The following WDR81 variants were observed in gnomAD, a reference collection of about 807,000 sequenced individuals.
WDR81 encodes WD repeat domain 81.
In WDR81, 92 loss-of-function variants were observed where a neutral mutation model predicts 140.8. The ratio of observed to expected loss-of-function variants is 0.65; its 90% CI spans 0.55 to 0.78. The LOEUF is 0.78. Among genes scored for constraint, WDR81 ranks in the 30% least tolerant of loss-of-function variants. The pLI is 0.00. For missense variants in WDR81, 2,502 were observed against 2,636.4 expected (o/e 0.95, Z 1.12); for synonymous variants, 1,183 against 1,156.4 (o/e 1.02, Z -0.47).
At position 1,724,942 on chromosome 17, in the gene WDR81, C is replaced by T. The variant is rs1272074939; in HGVS notation, c.-18C>T. 1 of 1,391,556 alleles carries T rather than the reference C, an allele frequency of 7.2e-7. No homozygotes were observed. Among genetic ancestry groups the T allele is most frequent in the Non-Finnish European group, 9.3e-7 (1 of 1,078,040 alleles). 86.2% of individuals were successfully genotyped at this position (1,391,556 alleles called of 1,614,324 possible). The stretch of plus-strand genomic sequence containing the variant: ...GGCTGGGCTCAGCCCCGCGCTGCCC[C>T]CGGGCGGCCTGGAGGAGATGGCCCA... On this transcript the variant is annotated 5_prime_UTR_variant, in exon 1 of 10. Coordinates refer to ENST00000409644, the MANE Select transcript of WDR81 (RefSeq NM_001163809.2).
intron 1 of WDR81, 93 bp downstream of exon 1, chr17:1,728,719 C>T: frequency 7.3e-7 from 1 of 1,365,204 alleles, no homozygotes; most frequent in East Asian, 2.6e-5. Context: ...CTTTGGGAGG[C>T]TGAGGCGGGC....
rs531930452 is a variant in WDR81 at position 1,730,886 on chromosome 17, G to A, written c.3907G>A (p.Ala1303Thr). The change falls in exon 3 of 10, where the codon GCC becomes ACC. Residue 1303 changes from alanine to threonine, a missense_variant. This residue lies in a region of WDR81 where 1,737 missense variants were observed against 1,843.0 expected (regional missense o/e 0.94). Transcript: ENST00000409644. ...GPVLSCLLHIARLYGEPVLTY... is the reference protein window; with the variant it reads ...GPVLSCLLHITRLYGEPVLTY... ...TGTGCTCAGCTGCCTCCTCCACATC[G>A]CCCGCCTGTATGGGGAGCCTGTCCT... The A allele has an allele frequency of 7.4e-6, 12 of 1,613,000 alleles. No individual in the cohort carries two copies. The highest frequency in any genetic ancestry group is 4.4e-5 in the South Asian group (4 of 91,090).
rs1360252783 is a variant in WDR81 at position 1,732,440 on chromosome 17, G to A, written c.4273G>A (p.Val1425Met). ...GGTCCAGCAGCACCTGAGCGAGCCCGTGGCCACCTTTTTCCAGGTCTTCTC... is the reference window on the plus strand; with the variant it reads ...GGTCCAGCAGCACCTGAGCGAGCCCATGGCCACCTTTTTCCAGGTCTTCTC... The part of the protein sequence containing the change: ...EMVQQHLSEP[V>M]ATFFQVFSQL... Residue 1425 changes from valine (V) to methionine (M), a missense_variant, in exon 5 of 10, where the codon GTG becomes ATG. By Grantham distance (21) the Val-to-Met change is conservative. Around this residue, in one of 3 missense-constraint regions of WDR81, gnomAD observed 1,737 missense variants for 1,843.0 expected, o/e 0.94. Coordinates refer to ENST00000409644, the MANE Select transcript of WDR81 (RefSeq NM_001163809.2). 6 of 1,613,384 alleles carry A rather than the reference G, an allele frequency of 3.7e-6. No homozygotes were observed. Among genetic ancestry groups the A allele is most frequent in the African/African-American group, 2.7e-5 (2 of 74,856 alleles).
rs1904760416 is a variant in WDR81 at position 1,735,293 on chromosome 17, G to T, written c.5180-279G>T. On this transcript the variant is annotated intron_variant, in intron 7 of 9. Coordinates refer to ENST00000409644, the MANE Select transcript of WDR81 (RefSeq NM_001163809.2). The surrounding 1 kb of genome is among the most constrained non-coding windows in gnomAD (Gnocchi z 4.2). Reference sequence around the variant, plus strand: ...AAATACAAAAAATTAGCCAGGCGTGGTGGCGGACGCCTGTAGTCCCAGCTA... The same window carrying T: ...AAATACAAAAAATTAGCCAGGCGTGTTGGCGGACGCCTGTAGTCCCAGCTA... Among the ~76,000 whole-genome samples, 1 of 152,212 alleles carries T rather than the reference G, an allele frequency of 6.6e-6. No homozygotes were observed. Among genetic ancestry groups the T allele is most frequent in the Non-Finnish European group, 1.5e-5 (1 of 68,034 alleles).
chr17:1,732,060 C>T (rs964468981), intron 4 of WDR81, among the ~76,000 whole-genome samples: 2 of 151,970 alleles, frequency 1.3e-5, no homozygotes, highest in African/African-American at 4.8e-5. Flanking sequence ...ATGGCAAAAC[C>T]CTGTCTCTAC....
In WDR81 at chr17:1,726,348, C is replaced by T. The variant is rs1285914401; in HGVS notation, c.1389C>T (p.Leu463=). 4.5e-6 allele frequency: 7 copies of T among 1,546,578 alleles called. No homozygotes were observed. Among genetic ancestry groups the T allele is most frequent in the African/African-American group, 4.1e-5 (3 of 73,008 alleles). The stretch of plus-strand genomic sequence containing the variant: ...CTCGGCGCACGCCTCGGTCGGTGCT[C>T]TGCGGACACGTCCGCGCGCAGTGGG... ...YKARRTPRSV[L]CGHVRAQWEP... The change falls in exon 1 of 10, where the codon CTC becomes CTT. Residue 463 remains leucine (L), a synonymous_variant. Transcript: ENST00000409644.
Position 1,725,460 on chromosome 17 carries a change from C to G in WDR81, c.501C>G (p.Ala167=). The G allele has an allele frequency of 6.5e-7, 1 of 1,549,136 alleles. No individual in the cohort carries two copies. Among genetic ancestry groups the G allele is most frequent in the Middle Eastern group, 1.7e-4 (1 of 5,992 alleles). ...GCCAGCCGTACAGTCACAGCCCTGC[C>G]CCCTCAGCTGTCCCTGCCTTGGACT... is the stretch of plus-strand genomic sequence containing the variant. ...TYGQPYSHSP[A]PSAVPALDSV... The change falls in exon 1 of 10, where the codon GCC becomes GCG. Residue 167 remains alanine, a synonymous_variant. Transcript: ENST00000409644.
chr17:1,736,297 G>C, intron 9 of WDR81, 79 bp downstream of exon 9: 1 of 1,500,176 alleles, frequency 6.7e-7, no homozygotes, highest in Non-Finnish European at 8.9e-7. Context: ...GGGTCTGCCT[G>C]CCCGGGTTCA....
At chr17:1,717,136 T>A (rs1914614007) in intron 1 of WDR81, 1 of 161,856 alleles carries the variant, frequency 6.2e-6, no homozygotes, top group Non-Finnish European at 1.4e-5. Context: ...CCCCATTCAG[T>A]CCCGCCCTCC....
chr17:1,727,704 C>T lies in WDR81; in HGVS notation c.2745C>T (p.Asp915=). 6.4e-7 allele frequency: 1 copy of T among 1,550,570 alleles called. No homozygotes were observed. Among genetic ancestry groups the T allele is most frequent in the Non-Finnish European group, 8.7e-7 (1 of 1,147,006 alleles). Reference sequence around the variant, plus strand: ...AGCAGCTGGGCGCGGTGCTGAAGGACATCACCCCTGAGGGCCTGGAGATCC... The same window carrying T: ...AGCAGCTGGGCGCGGTGCTGAAGGATATCACCCCTGAGGGCCTGGAGATCC... ...LWQQLGAVLK[D]ITPEGLEILL... is the part of the protein sequence containing the mutation. Residue 915 remains aspartate, a synonymous_variant, in exon 1 of 10, where the codon GAC becomes GAT. Transcript: ENST00000409644.
Position 1,725,347 on chromosome 17 carries a change from T to C in WDR81, c.388T>C (p.Cys130Arg). 6.5e-7 allele frequency: 1 copy of C among 1,549,244 alleles called. No homozygotes were observed. Among genetic ancestry groups the C allele is most frequent in the Non-Finnish European group, 8.7e-7 (1 of 1,146,944 alleles). The change falls in exon 1 of 10, where the codon TGC becomes CGC. Residue 130 changes from cysteine to arginine, a missense_variant. Physicochemically the swap from Cys to Arg is radical, Grantham distance 180. Transcript: ENST00000409644. ...GGGCCTGCCCTTTGAGGACGGGTCC[T>C]GCGGCCCTGAGACCCTCACTCGCTT... is the stretch of plus-strand genomic sequence containing the variant. The part of the protein sequence containing the change: ...GGGLPFEDGS[C>R]GPETLTRFMQ...
At chr17:1,734,571 G>C (rs1597303582) in intron 7 of WDR81, among the ~76,000 whole-genome samples, 1 of 151,892 alleles carries the variant, frequency 6.6e-6, no homozygotes, top group Admixed American at 6.6e-5. Flanking sequence ...ACGAGGTCAG[G>C]AGATCGAGAT....
At chr17:1,722,134 A>AT (rs1914898476), upstream of WDR81, among the ~76,000 whole-genome samples, 1 of 152,038 alleles carries the variant, frequency 6.6e-6, no homozygotes, top group Non-Finnish European at 1.5e-5. Context: ...AAAAAAAAAA[A>AT]TCTTCTTAAA....
At chr17:1,729,980 G>C (rs1333143850) in intron 1 of WDR81, among the ~76,000 whole-genome samples, 1 of 138,926 alleles carries the variant, frequency 7.2e-6, no homozygotes, top group Non-Finnish European at 1.5e-5. Flanking sequence ...AACAGTGCGA[G>C]ACTCTGTCTC....
chr17:1,733,269 G>A (rs1314780341), intron 6 of WDR81, among the ~76,000 whole-genome samples: 1 of 152,196 alleles, frequency 6.6e-6, no homozygotes, highest in Non-Finnish European at 1.5e-5. Flanking sequence ...GGAGGCCAGG[G>A]CACCACCTGT....
intron 1 of WDR81, among the ~76,000 whole-genome samples, chr17:1,717,523 A>G (rs1253771523): frequency 2.0e-5 from 3 of 152,196 alleles, no homozygotes; most frequent in Non-Finnish European, 4.4e-5. Context: ...TGGAGCTCCA[A>G]AATTCTGAGC....
Position 1,735,896 on chromosome 17 carries a change from G to C in WDR81, c.5326-143G>C. ...GGGCAGGACTCTGGCCTGTGATGGGGGTGGGGTTCTGGGCTTTTCATGCCC... is the reference window on the plus strand; with the variant it reads ...GGGCAGGACTCTGGCCTGTGATGGGCGTGGGGTTCTGGGCTTTTCATGCCC... On this transcript the variant is annotated intron_variant, in intron 8 of 9. Transcript: ENST00000409644. The surrounding 1 kb of genome is among the most constrained non-coding windows in gnomAD (Gnocchi z 4.2). The C allele has an allele frequency of 7.3e-7, 1 of 1,377,456 alleles. No homozygotes were observed. 85.3% of individuals were successfully genotyped at this position (1,377,456 alleles called of 1,614,324 possible).
In WDR81 at chr17:1,733,819, C is replaced by G. The variant is rs762195187; in HGVS notation, c.4782C>G (p.Gly1594=). The G allele has an allele frequency of 1.9e-5, 31 of 1,612,218 alleles. No individual in the cohort carries two copies. Among genetic ancestry groups the G allele is most frequent in the Non-Finnish European group, 2.5e-5 (30 of 1,179,686 alleles). ...PISGVGGGGL[G]SGSDDNALKQ... Reference sequence around the variant, plus strand: ...CGGGGGTGGGTGGCGGGGGCCTGGGCAGCGGGAGCGACGACAACGCCCTGA... The same window carrying G: ...CGGGGGTGGGTGGCGGGGGCCTGGGGAGCGGGAGCGACGACAACGCCCTGA... The change falls in exon 7 of 10, where the codon GGC becomes GGG. Residue 1594 remains glycine (G), a synonymous_variant. Coordinates refer to ENST00000409644, the MANE Select transcript of WDR81 (RefSeq NM_001163809.2).
intron 6 of WDR81, 66 bp from the exon 7 acceptor site, chr17:1,733,461 C>G: frequency 6.8e-7 from 1 of 1,472,098 alleles, no homozygotes; most frequent in Non-Finnish European, 9.0e-7. Context: ...CTCCCGAGTC[C>G]TTGGATGGGT....
Sources: allele counts gnomAD v4.1 joint callset (sites outside exome capture counted in the v4.1 genomes callset), GRCh38; gene constraint gnomAD v4.1.1; regional missense constraint gnomAD v4.1.1; non-coding constraint Gnocchi (gnomAD v3.1); transcripts MANE v1.5; gene names NCBI Gene and HGNC (gene_info 2026-07-23, HGNC 2026-07-21).